The following LIMD1 variants were observed in gnomAD, a reference collection of about 807,000 sequenced individuals.
LIMD1 encodes the protein LIM domain containing 1, also known as LIM domain-containing protein 1.
LIMD1 carries 23 observed loss-of-function variants against 58.4 expected under a neutral mutation model. That is an observed-to-expected ratio of 0.39 (90% confidence interval 0.28 to 0.56). LIMD1 has a LOEUF of 0.56. Among genes scored for constraint, LIMD1 ranks in the 20% least tolerant of loss-of-function variants. LIMD1 has a pLI of 0.57. For missense variants in LIMD1, 838 were observed against 855.5 expected, an observed-to-expected ratio of 0.98 and a Z score of 0.25; for synonymous variants, 334 against 345.5, an observed-to-expected ratio of 0.97 and a Z score of 0.37.
At chr3:45,653,017 C>T (rs190131931) in intron 2 of LIMD1, among the ~76,000 whole-genome samples, 4 of 152,298 alleles carry the variant, frequency 2.6e-5, no homozygotes, top group East Asian at 3.9e-4. Context: ...GAGATGAGAA[C>T]GTTTAGAGAC....
rs748382420 is a variant in LIMD1 at position 45,596,045 on chromosome 3, T to C, written c.1166T>C (p.Val389Ala). 1.2e-6 allele frequency: 2 copies of C among 1,614,022 alleles called. No individual in the cohort carries two copies. Among genetic ancestry groups the C allele is most frequent in the South Asian group, 2.2e-5 (2 of 91,082 alleles). ...CCCAAGCTCAGCCCCACCAGTCTTG[T>C]CCATCCAGTGATGTCCACCCTGCCT... is the stretch of plus-strand genomic sequence containing the variant. ...TGPKLSPTSL[V>A]HPVMSTLPEL... The change falls in exon 1 of 8, where the codon GTC becomes GCC. Residue 389 changes from valine (V) to alanine (A), a missense_variant. Physicochemically the swap from Val to Ala is moderately conservative, Grantham distance 64. This residue lies in a region of LIMD1 where 659 missense variants were observed against 639.8 expected (regional missense o/e 1.03). Transcript: ENST00000273317.
intron 7 of LIMD1, among the ~76,000 whole-genome samples, chr3:45,676,696 A>C (rs1251186133): frequency 6.6e-6 from 1 of 152,162 alleles, no homozygotes; most frequent in African/African-American, 2.4e-5. Flanking sequence ...CGGAATCTGC[A>C]TTTACACTGA....
intron 2 of LIMD1, among the ~76,000 whole-genome samples, chr3:45,657,226 C>G (rs1697349111): frequency 6.6e-6 from 1 of 152,160 alleles, no homozygotes. Flanking sequence ...AAACTTTAGC[C>G]TGTCTCCAAG....
rs1559511239 is a variant in LIMD1 at position 45,595,793 on chromosome 3, G to A, written c.914G>A (p.Cys305Tyr). 1.2e-6 allele frequency: 2 copies of A among 1,614,152 alleles called. No individual in the cohort carries two copies. Among genetic ancestry groups the A allele is most frequent in the Admixed American group, 3.3e-5 (2 of 60,028 alleles). ...GTGTCAGCACCCTTGGCCCTGAGCTGCCCCAGGCAAGGAGGTCTTCCAAGA... is the reference window on the plus strand; with the variant it reads ...GTGTCAGCACCCTTGGCCCTGAGCTACCCCAGGCAAGGAGGTCTTCCAAGA... ...PSVSAPLALS[C>Y]PRQGGLPRSN... is the part of the protein sequence containing the mutation. Residue 305 changes from cysteine to tyrosine, a missense_variant, in exon 1 of 8, where the codon TGC becomes TAC. By Grantham distance (194) the Cys-to-Tyr change is radical. Around this residue, in one of 3 missense-constraint regions of LIMD1, gnomAD observed 659 missense variants for 639.8 expected, o/e 1.03. Transcript: ENST00000273317.
intron 4 of LIMD1, among the ~76,000 whole-genome samples, chr3:45,669,972 G>A (rs996426533): frequency 2.0e-5 from 3 of 152,128 alleles, no homozygotes; most frequent in Admixed American, 1.3e-4. Context: ...CTCCCCATTC[G>A]TGATGAATAT....
intron 2 of LIMD1, among the ~76,000 whole-genome samples, chr3:45,663,868 A>ATTTTTT (rs553757543): frequency 0.048 from 4,876 of 102,632 alleles, 608 homozygotes; most frequent in African/African-American, 0.16. Context: ...TGCCTGGCTA[A>ATTTTTT]TTTTTTTTTT....
chr3:45,674,577 G>A (rs1226714980), intron 7 of LIMD1, 166 bp downstream of exon 7: 5 of 604,892 alleles, frequency 8.3e-6, no homozygotes, highest in Non-Finnish European at 1.2e-5. Flanking sequence ...GGAGGTAGGA[G>A]AAGATGGAAA....
intron 7 of LIMD1, among the ~76,000 whole-genome samples, chr3:45,676,309 T>C (rs1237888704): frequency 1.3e-5 from 2 of 151,748 alleles, no homozygotes; most frequent in East Asian, 1.9e-4. Flanking sequence ...ACCCATGAGA[T>C]TTTTTTTGTA....
At chr3:45,649,451 G>A (rs966097043) in intron 2 of LIMD1, among the ~76,000 whole-genome samples, 1 of 151,592 alleles carries the variant, frequency 6.6e-6, no homozygotes, top group African/African-American at 2.4e-5. Context: ...GGAGGCCGAG[G>A]CGGGCCAATC....
At chr3:45,668,525 C>G (rs184068418) in intron 4 of LIMD1, among the ~76,000 whole-genome samples, 169 bp downstream of exon 4, 1 of 152,068 alleles carries the variant, frequency 6.6e-6, no homozygotes, top group African/African-American at 2.4e-5. Flanking sequence ...CCGAGGCGGG[C>G]GGATCACGAG....
At chr3:45,608,098 A>C (rs917777035) in intron 1 of LIMD1, among the ~76,000 whole-genome samples, 1 of 152,238 alleles carries the variant, frequency 6.6e-6, no homozygotes, top group Non-Finnish European at 1.5e-5. Flanking sequence ...ATTTGCTGAC[A>C]GTTATCTTTA....
chr3:45,669,325 A>G (rs1245768818), intron 4 of LIMD1, among the ~76,000 whole-genome samples: 2 of 152,250 alleles, frequency 1.3e-5, no homozygotes, highest in Non-Finnish European at 1.5e-5. Flanking sequence ...ATTATATAAC[A>G]TACTTTAAGT....
At chr3:45,647,130 G>A (rs1436378738) in intron 2 of LIMD1, among the ~76,000 whole-genome samples, 1 of 152,186 alleles carries the variant, frequency 6.6e-6, no homozygotes, top group Non-Finnish European at 1.5e-5. Context: ...CCCCAAAAAT[G>A]TATGCTGTGC....
At chr3:45,608,494 G>A (rs901253115) in intron 1 of LIMD1, among the ~76,000 whole-genome samples, 5 of 152,272 alleles carry the variant, frequency 3.3e-5, no homozygotes, top group Non-Finnish European at 5.9e-5. Context: ...TGTGAAAAAC[G>A]TGTACAATGA....
At chr3:45,673,886 CAAAA>C (rs753659549) in intron 6 of LIMD1, 4 of 192,698 alleles carry the variant, frequency 2.1e-5, no homozygotes, top group Non-Finnish European at 3.1e-5. Context: ...ACCTTGTCTC[CAAAA>C]AAAAAAAACC....
At chr3:45,625,681 C>T (rs555907296) in intron 1 of LIMD1, among the ~76,000 whole-genome samples, 6 of 152,182 alleles carry the variant, frequency 3.9e-5, no homozygotes, top group South Asian at 2.1e-4. Flanking sequence ...ATATCTGGAG[C>T]GGGTTCCTGG....
At chr3:45,612,070 G>GCT (rs112847908) in intron 1 of LIMD1, among the ~76,000 whole-genome samples, 13,401 of 144,832 alleles carry the variant, frequency 0.093, 709 homozygotes, top group Admixed American at 0.17. Flanking sequence ...GCAGGTGCGC[G>GCT]CTCTCTCTCT....
intron 1 of LIMD1, among the ~76,000 whole-genome samples, chr3:45,611,551 G>A (rs753189355): frequency 6.6e-6 from 1 of 152,254 alleles, no homozygotes; most frequent in African/African-American, 2.4e-5. Flanking sequence ...TGGGAGGAAG[G>A]CTGTTTGGGA....
chr3:45,607,863 T>C (rs55943514), intron 1 of LIMD1, among the ~76,000 whole-genome samples: 4,497 of 152,192 alleles, frequency 0.03, 232 homozygotes, highest in African/African-American at 0.1. Flanking sequence ...GTCAGCCGAG[T>C]TGATGGATTT....
Sources: allele counts gnomAD v4.1 joint callset (sites outside exome capture counted in the v4.1 genomes callset), GRCh38; gene constraint gnomAD v4.1.1; regional missense constraint gnomAD v4.1.1; transcripts MANE v1.5; gene names NCBI Gene and HGNC (gene_info 2026-07-23, HGNC 2026-07-21).